The following PPM1K variants were observed in gnomAD, a reference collection of about 807,000 sequenced individuals.
PPM1K encodes protein phosphatase Mn(2+)-dependent 1K.
PPM1K carries 19 observed loss-of-function variants against 32.6 expected under a neutral mutation model. The ratio of observed to expected loss-of-function variants is 0.58; its 90% CI spans 0.41 to 0.86. The LOEUF is 0.86. Ranked by LOEUF, PPM1K falls within the 40% of genes least tolerant of loss-of-function variation. The pLI is 0.00. For missense variants in PPM1K, 362 were observed against 461.2 expected, an observed-to-expected ratio of 0.78 and a Z score of 1.97; for synonymous variants, 159 against 165.3, an observed-to-expected ratio of 0.96 and a Z score of 0.29.
chr4:88,271,281 G>T (rs576947133), intron 3 of PPM1K: 1 of 224,750 alleles, frequency 4.4e-6, no homozygotes, highest in South Asian at 5.0e-5. Context: ...GGAGAGCAGA[G>T]AAAGAGCTGC....
chr4:88,276,527 A>G, intron 3 of PPM1K: 1 of 985,450 alleles, frequency 1.0e-6, no homozygotes, highest in Non-Finnish European at 1.2e-6. Context: ...TACAGTACAC[A>G]AAATTTTAAA....
At chr4:88,271,175 A>C (rs545379616) in intron 3 of PPM1K, 2 of 512,714 alleles carry the variant, frequency 3.9e-6, no homozygotes, top group Admixed American at 4.0e-5. Context: ...AGAGCTGCTG[A>C]CCAGGCACAG....
intron 5 of PPM1K, among the ~76,000 whole-genome samples, chr4:88,267,877 A>G (rs1731399722): frequency 6.6e-6 from 1 of 152,184 alleles, no homozygotes; most frequent in South Asian, 2.1e-4. Context: ...TTTCCCGTAC[A>G]ATGGGTTCAG....
intron 6 of PPM1K, among the ~76,000 whole-genome samples, chr4:88,264,061 A>T (rs921611849): frequency 2.0e-5 from 3 of 152,242 alleles, no homozygotes; most frequent in African/African-American, 7.2e-5. Context: ...AATATCTGCA[A>T]GACAGGCAGC....
At position 88,261,111 on chromosome 4, in the gene PPM1K, T is replaced by C. The variant is rs936479813; in HGVS notation, c.*1484A>G. 6.6e-6 allele frequency: 1 copy of C among 152,226 alleles called. No individual in the cohort carries two copies. Among genetic ancestry groups the C allele is most frequent in the Non-Finnish European group, 1.5e-5 (1 of 68,036 alleles). 9.4% of individuals were successfully genotyped at this position (152,226 alleles called of 1,614,324 possible). A position where few individuals can be genotyped will look rare whatever the true frequency, so the allele number is the denominator to read the frequency against. ...TACTCACACATATAACAAATTTACA[T>C]AGTTTGCAGAAATAAACTACGGAAA... On this transcript the variant is annotated 3_prime_UTR_variant, in exon 7 of 7. Coordinates refer to ENST00000608933, the MANE Select transcript of PPM1K (RefSeq NM_152542.5).
chr4:88,270,911 CAT>C, intron 3 of PPM1K: 1 of 293,758 alleles, frequency 3.4e-6, no homozygotes. Flanking sequence ...TTTCATTTAA[CAT>C]TTAACATGGA....
Position 88,262,502 on chromosome 4 carries a change from T to C in PPM1K, c.*93A>G. 7.1e-7 allele frequency: 1 copy of C among 1,408,122 alleles called. No individual in the cohort carries two copies. The highest frequency in any genetic ancestry group is 1.4e-5 in the South Asian group (1 of 72,950). The allele number at this position is 1,408,122 out of a possible 1,614,324, so 87.2% of individuals were successfully genotyped here. On this transcript the variant is annotated 3_prime_UTR_variant, in exon 7 of 7. Transcript: ENST00000608933. ...TGGTTTACACTGACTTGTGCGCTGA[T>C]CTAGTGAGTTAGGAGACCTTTTTGA...
intron 3 of PPM1K, among the ~76,000 whole-genome samples, chr4:88,271,715 G>A (rs1401099279): frequency 1.3e-5 from 2 of 152,138 alleles, no homozygotes; most frequent in Non-Finnish European, 2.9e-5. Flanking sequence ...GGAAGAATTT[G>A]TATCTGACAA....
In PPM1K at chr4:88,277,080, T is replaced by A. The variant is rs1731795693; in HGVS notation, c.541+63A>T. 7.7e-6 allele frequency: 10 copies of A among 1,297,636 alleles called. No homozygotes were observed. The East Asian group carries it at 2.1e-4, about 27-fold the overall frequency. The allele number at this position is 1,297,636 out of a possible 1,614,324, so 80.4% of individuals were successfully genotyped here. On this transcript the variant is annotated intron_variant, in intron 3 of 6. Coordinates refer to ENST00000608933, the MANE Select transcript of PPM1K (RefSeq NM_152542.5). Reference sequence around the variant, plus strand: ...CCCCCAAAGGACTTAAAGTGTTTCCTTTTTACTCCTCCCCCACCCCATGTA... The same window carrying A: ...CCCCCAAAGGACTTAAAGTGTTTCCATTTTACTCCTCCCCCACCCCATGTA...
At chr4:88,282,379 GA>G (rs1265434623) in intron 1 of PPM1K, among the ~76,000 whole-genome samples, 1 of 152,074 alleles carries the variant, frequency 6.6e-6, no homozygotes, top group Non-Finnish European at 1.5e-5. Flanking sequence ...TATCCCTCTA[GA>G]AAAAATATTT....
intron 3 of PPM1K, among the ~76,000 whole-genome samples, chr4:88,269,472 T>C (rs977706715): frequency 5.9e-5 from 9 of 152,262 alleles, no homozygotes; most frequent in African/African-American, 1.9e-4. Context: ...AAAACTGTTT[T>C]AATTTTATAA....
chr4:88,275,857 T>G (rs2067683560), intron 3 of PPM1K: 1 of 985,270 alleles, frequency 1.0e-6, no homozygotes, highest in Admixed American at 6.1e-5. Flanking sequence ...ATGCATAAAG[T>G]TTACCTCTTT....
rs1292717471 is a variant in PPM1K at position 88,261,803 on chromosome 4, T to C, written c.*792A>G. ...CCCCCATCTCCTGGGTTCAAGTGAT[T>C]CCTCTTTCCTCAGCCTCCCGAGTAG... is the stretch of plus-strand genomic sequence containing the variant. On this transcript the variant is annotated 3_prime_UTR_variant, in exon 7 of 7. Coordinates refer to ENST00000608933, the MANE Select transcript of PPM1K (RefSeq NM_152542.5). 1.3e-5 allele frequency: 2 copies of C among 150,714 alleles called. No individual in the cohort carries two copies. Among genetic ancestry groups the C allele is most frequent in the African/African-American group, 2.4e-5 (1 of 41,016 alleles). 9.3% of individuals were successfully genotyped at this position (150,714 alleles called of 1,614,324 possible).
chr4:88,275,762 G>A (rs1731743830), intron 3 of PPM1K: 27 of 985,258 alleles, frequency 2.7e-5, no homozygotes, highest in Non-Finnish European at 3.3e-5. Context: ...AATTCAGGAA[G>A]TAATAAAAAT....
At chr4:88,267,144 C>T (rs1348255794) in intron 5 of PPM1K, among the ~76,000 whole-genome samples, 3 of 138,726 alleles carry the variant, frequency 2.2e-5, no homozygotes, top group African/African-American at 5.5e-5. Flanking sequence ...GCGGGTGATG[C>T]TGGCTGATTG....
intron 2 of PPM1K, 53 bp from the exon 3 acceptor site, chr4:88,277,296 T>G: frequency 1.6e-6 from 2 of 1,225,234 alleles, no homozygotes; most frequent in Non-Finnish European, 2.4e-6. Context: ...AATAGGTTTT[T>G]CTCCTCACTG....
At chr4:88,277,864 A>G in intron 2 of PPM1K, 1 of 475,960 alleles carries the variant, frequency 2.1e-6, no homozygotes. Context: ...CTCATAGGTT[A>G]TCTCATGTAC....
rs1731856407 is a variant in PPM1K at position 88,278,118 on chromosome 4, T to G, written c.440+26A>C. 2.5e-6 allele frequency: 4 copies of G among 1,585,940 alleles called. No homozygotes were observed. The South Asian group carries it at 3.4e-5, about 13-fold the overall frequency. On this transcript the variant is annotated intron_variant, in intron 2 of 6. Transcript: ENST00000608933. This position sits in a 1 kb window ranked among gnomAD's most constrained non-coding sequence, Gnocchi z 4.2. ...AGTAGGAAGTATAGGAACTGCAAAG[T>G]CAGGAGTGAAAGTCATTGTACATAC...
rs1731087934 is a variant in PPM1K, at chr4:88,260,762, A to G, written c.*1833T>C. 6.7e-6 allele frequency: 1 copy of G among 149,950 alleles called. No individual in the cohort carries two copies. The highest frequency in any genetic ancestry group is 1.5e-5 in the Non-Finnish European group (1 of 67,200). The allele number at this position is 149,950 out of a possible 1,614,324, so 9.3% of individuals were successfully genotyped here. Reference sequence around the variant, plus strand: ...TACATTTTTACCCAAAGCTTAAAGAAAAAAAAAAAAGTCAACTCAAAACAC... The same window carrying G: ...TACATTTTTACCCAAAGCTTAAAGAGAAAAAAAAAAGTCAACTCAAAACAC... On this transcript the variant is annotated 3_prime_UTR_variant, in exon 7 of 7. Coordinates refer to ENST00000608933, the MANE Select transcript of PPM1K (RefSeq NM_152542.5).
Sources: gnomAD v4.1 joint callset for allele counts (sites outside exome capture counted in the v4.1 genomes callset) on GRCh38, gnomAD v4.1.1 for gene constraint, Gnocchi (gnomAD v3.1) non-coding constraint, MANE v1.5 for transcripts, NCBI Gene and HGNC (gene_info 2026-07-23, HGNC 2026-07-21) for gene names.